The following SLC4A1AP variants were observed in gnomAD, a reference collection of about 807,000 sequenced individuals.
The protein encoded by SLC4A1AP is solute carrier family 4 member 1 adaptor protein, also known as kanadaptin.
In SLC4A1AP, 64 loss-of-function variants were observed where a neutral mutation model predicts 89.7. The observed-to-expected ratio is 0.71, with a 90% CI of 0.58 to 0.88. The LOEUF is 0.88. Among genes scored for constraint, SLC4A1AP ranks in the 40% least tolerant of loss-of-function variants. The probability of loss-of-function intolerance (pLI) is 0.00; values close to 1 mark genes in which losing one functional copy is unlikely to be tolerated. For missense variants in SLC4A1AP, 931 were observed against 965.0 expected (o/e 0.96, Z 0.47); for synonymous variants, 366 against 353.3 (o/e 1.04, Z -0.40).
intron 5 of SLC4A1AP, among the ~76,000 whole-genome samples, chr2:27,670,870 T>G (rs1265210257): frequency 6.7e-6 from 1 of 149,608 alleles, no homozygotes; most frequent in Non-Finnish European, 1.5e-5. Context: ...CAAAAATAAA[T>G]AATTAATTAA....
chr2:27,675,569 A>G, exon 6 of SLC4A1AP: 4 of 1,602,318 alleles, frequency 2.5e-6, no homozygotes, highest in Non-Finnish European at 3.4e-6. Context: ...GGGAAGATGA[A>G]GACTTTTATG....
At chr2:27,682,164 G>A in intron 8 of SLC4A1AP, 84 bp from the exon 9 acceptor site, 1 of 822,508 alleles carries the variant, frequency 1.2e-6, no homozygotes, top group Non-Finnish European at 1.9e-6. Context: ...TTTGCCAGAG[G>A]TTTCTTTGTC....
intron 8 of SLC4A1AP, among the ~76,000 whole-genome samples, chr2:27,679,909 G>A (rs1675591951): frequency 6.6e-6 from 1 of 152,172 alleles, no homozygotes; most frequent in Admixed American, 6.5e-5. Context: ...ATATGGGAGT[G>A]AGGGAAGCAG....
intron 10 of SLC4A1AP, among the ~76,000 whole-genome samples, chr2:27,687,366 T>G (rs1275190598): frequency 6.6e-6 from 1 of 152,000 alleles, no homozygotes; most frequent in African/African-American, 2.4e-5. Flanking sequence ...GAGAATGACT[T>G]GAGCCCAGGA....
intron 10 of SLC4A1AP, among the ~76,000 whole-genome samples, chr2:27,686,060 A>G (rs1426422718): frequency 6.6e-6 from 1 of 152,172 alleles, no homozygotes; most frequent in Admixed American, 6.5e-5. Context: ...CAAACTGGTT[A>G]GGAAGATAAA....
At chr2:27,681,245 C>T (rs936172938) in intron 8 of SLC4A1AP, among the ~76,000 whole-genome samples, 3 of 152,130 alleles carry the variant, frequency 2.0e-5, no homozygotes, top group African/African-American at 7.2e-5. Context: ...GCCAGGCAGG[C>T]AGCATTCTTC....
intron 3 of SLC4A1AP, 116 bp from the exon 4 acceptor site, chr2:27,668,727 G>A (rs1300210518): frequency 1.1e-6 from 1 of 948,660 alleles, no homozygotes; most frequent in Non-Finnish European, 1.7e-6. Flanking sequence ...TAGGATTACA[G>A]GCGTGAGCCA....
In SLC4A1AP at chr2:27,664,293, C is replaced by T. The variant is rs9679004; in HGVS notation, c.541C>T (p.Arg181Cys). ...GAAGGGCGGCACTATCCTTGGCACC[C>T]GTAGCTTGAAAGGGACGAGTTACTG... The change falls in exon 1 of 14, where the codon CGT becomes TGT. Residue 181 changes from arginine (R) to cysteine (C), a missense_variant. By Grantham distance (180) the Arg-to-Cys change is radical (BLOSUM62 -3). Coordinates refer to ENST00000613058, the Ensembl canonical transcript of SLC4A1AP. 9.5e-3 allele frequency: 15,396 copies of T among 1,614,200 alleles called. 107 individuals carry two copies. The highest frequency in any genetic ancestry group is 0.012 in the Non-Finnish European group (14,443 of 1,180,034).
intron 9 of SLC4A1AP, among the ~76,000 whole-genome samples, chr2:27,682,783 A>G (rs1382890603): frequency 6.6e-6 from 1 of 152,118 alleles, no homozygotes; most frequent in Admixed American, 6.6e-5. Context: ...TGGCCTCCCA[A>G]AATGCTGGGT....
intron 10 of SLC4A1AP, among the ~76,000 whole-genome samples, chr2:27,685,982 C>A (rs1675700150): frequency 6.6e-6 from 1 of 152,140 alleles, no homozygotes; most frequent in Non-Finnish European, 1.5e-5. Context: ...CCCTAAAGAT[C>A]ATTGTTTATC....
chr2:27,667,235 G>A, intron 2 of SLC4A1AP, 33 bp from the exon 3 acceptor site: 1 of 1,593,142 alleles, frequency 6.3e-7, no homozygotes. Flanking sequence ...TCTCATGTCT[G>A]ATTATCTTTT....
At chr2:27,678,557 A>T (rs1328596721) in intron 8 of SLC4A1AP, among the ~76,000 whole-genome samples, 1 of 152,066 alleles carries the variant, frequency 6.6e-6, no homozygotes, top group Non-Finnish European at 1.5e-5. Flanking sequence ...ATTATTAATA[A>T]AAAGACCTCT....
chr2:27,669,046 C>T (rs1399133018), intron 4 of SLC4A1AP, 143 bp downstream of exon 4: 2 of 1,020,300 alleles, frequency 2.0e-6, no homozygotes, highest in Non-Finnish European at 2.9e-6. Context: ...TTTAGTAACC[C>T]TTATATTATT....
chr2:27,678,490 G>A (rs944987855), intron 8 of SLC4A1AP, among the ~76,000 whole-genome samples: 1 of 151,820 alleles, frequency 6.6e-6, no homozygotes, highest in Admixed American at 6.6e-5. Context: ...CTGTGATCGT[G>A]CCATTGCACT....
chr2:27,670,741 G>T (rs1397601396), intron 5 of SLC4A1AP, among the ~76,000 whole-genome samples: 1 of 151,554 alleles, frequency 6.6e-6, no homozygotes, highest in East Asian at 2.0e-4. Flanking sequence ...GGTGCCTGTA[G>T]TCCCGGCCAC....
chr2:27,671,145 ACTC>A (rs376673197), intron 5 of SLC4A1AP, among the ~76,000 whole-genome samples: 23 of 151,354 alleles, frequency 1.5e-4, no homozygotes, highest in African/African-American at 5.3e-4. Flanking sequence ...CTGGTGTCGA[ACTC>A]CTGACCTCAT....
intron 12 of SLC4A1AP, among the ~76,000 whole-genome samples, chr2:27,690,266 A>G (rs916079345): frequency 3.3e-5 from 5 of 152,140 alleles, no homozygotes. Flanking sequence ...AGTAGTGTAC[A>G]TTGTACCCAA....
chr2:27,678,720 CTTTT>C (rs60572659), intron 8 of SLC4A1AP, among the ~76,000 whole-genome samples: 1 of 139,212 alleles, frequency 7.2e-6, no homozygotes, highest in Non-Finnish European at 1.6e-5. Context: ...AACCTAATAC[CTTTT>C]TTTTTTTTTT....
intron 5 of SLC4A1AP, among the ~76,000 whole-genome samples, chr2:27,674,308 G>C (rs1460801273): frequency 6.6e-6 from 1 of 152,164 alleles, no homozygotes; most frequent in South Asian, 2.1e-4. Context: ...AAAGGGAGTA[G>C]AATGTTGTAG....
Sources: allele counts gnomAD v4.1 joint callset (sites outside exome capture counted in the v4.1 genomes callset), GRCh38; gene constraint gnomAD v4.1.1; transcripts MANE v1.5; gene names NCBI Gene and HGNC (gene_info 2026-07-23, HGNC 2026-07-21).